RBFOX2: variants seen among roughly 807,000 people sequenced by gnomAD.
The protein encoded by RBFOX2 is RNA binding fox-1 homolog 2, also known as RNA binding protein fox-1 homolog 2.
Under a neutral mutation model 49.1 loss-of-function variants are expected in RBFOX2, and 10 were observed. That is an observed-to-expected ratio of 0.20 (90% CI 0.13 to 0.35). The LOEUF is 0.35. RBFOX2 is among the 10% of genes least tolerant of loss of function. The probability of loss-of-function intolerance (pLI) is 1.00; values close to 1 mark genes in which losing one functional copy is unlikely to be tolerated. For synonymous variants in RBFOX2, 183 were observed against 187.4 expected, an observed-to-expected ratio of 0.98 and a Z score of 0.19; for missense variants, 323 against 486.9, an observed-to-expected ratio of 0.66 and a Z score of 3.17.
exon 2 of RBFOX2, chr22:35,809,973 G>A: frequency 6.2e-7 from 1 of 1,614,128 alleles, no homozygotes. Flanking sequence ...CTGAACCATT[G>A]CGTCAGGAGT....
chr22:35,983,367 T>G (rs966632762), intron 1 of RBFOX2, among the ~76,000 whole-genome samples: 1 of 151,384 alleles, frequency 6.6e-6, no homozygotes, highest in Non-Finnish European at 1.5e-5. Flanking sequence ...CAGAACCTGA[T>G]AGAAAAGTAA....
At chr22:35,919,915 G>GT (rs2050842893) in intron 1 of RBFOX2, among the ~76,000 whole-genome samples, 1 of 152,194 alleles carries the variant, frequency 6.6e-6, no homozygotes, top group Admixed American at 6.5e-5. Flanking sequence ...TGGGCTATTA[G>GT]TTTTGTTTTG....
chr22:35,743,974 T>C (rs942277839), exon 12 of RBFOX2: 31 of 400,956 alleles, frequency 7.7e-5, no homozygotes, highest in African/African-American at 6.5e-4. Context: ...AAGAAAAAAA[T>C]GCACAATCTT....
chr22:35,897,252 C>T, intron 1 of RBFOX2: 1 of 1,463,032 alleles, frequency 6.8e-7, no homozygotes, highest in Non-Finnish European at 9.6e-7. Flanking sequence ...CCAAGAGTTG[C>T]TCGGGAGGCA....
chr22:35,936,072 T>C (rs1340386204), intron 1 of RBFOX2, among the ~76,000 whole-genome samples: 1 of 151,088 alleles, frequency 6.6e-6, no homozygotes, highest in Non-Finnish European at 1.5e-5. Flanking sequence ...ACAGGCCGGG[T>C]GTGGTGGCAC....
chr22:35,803,939 A>G (rs1382296121), intron 2 of RBFOX2, among the ~76,000 whole-genome samples: 1 of 152,262 alleles, frequency 6.6e-6, no homozygotes, highest in East Asian at 1.9e-4. Context: ...TTCAGACTGA[A>G]TTTTTTTAAG....
At chr22:35,792,872 A>C (rs1459273142) in intron 2 of RBFOX2, among the ~76,000 whole-genome samples, 2 of 152,238 alleles carry the variant, frequency 1.3e-5, no homozygotes, top group Non-Finnish European at 2.9e-5. Context: ...TATCTCAAAA[A>C]ACAAGAACTA....
intron 1 of RBFOX2, among the ~76,000 whole-genome samples, chr22:36,006,168 G>A (rs1042988878): frequency 7.2e-5 from 11 of 152,222 alleles, no homozygotes; most frequent in African/African-American, 2.7e-4. Context: ...GCACTTAAAT[G>A]TTGATAAAAA....
chr22:35,936,380 G>T (rs2053075054), intron 1 of RBFOX2, among the ~76,000 whole-genome samples: 1 of 152,028 alleles, frequency 6.6e-6, no homozygotes, highest in Admixed American at 6.5e-5. Flanking sequence ...CGCCAGCTCA[G>T]ACTGTTCAGC....
In RBFOX2 at chr22:35,757,613, T is replaced by C. The variant is rs559516577; in HGVS notation, c.887+2275A>G. Among the ~76,000 whole-genome samples the C allele has an allele frequency of 2.0e-5, 3 of 152,332 alleles. No homozygotes were observed. The East Asian group carries it at 5.8e-4, about 29-fold the overall frequency. ...AATTCTATTTCCAATGACATTTGGTTGTATTTACAGGATAGCATGGTCACA... is the reference window on the plus strand; with the variant it reads ...AATTCTATTTCCAATGACATTTGGTCGTATTTACAGGATAGCATGGTCACA... On this transcript the variant is annotated intron_variant, in intron 9 of 11. Transcript: ENST00000405409.
exon 1 of RBFOX2, chr22:35,840,225 A>C (rs1380149716): frequency 6.2e-7 from 1 of 1,613,928 alleles, no homozygotes; most frequent in East Asian, 2.2e-5. Flanking sequence ...CCATAAACCA[A>C]ACGGATAGAT....
chr22:35,751,553 CTT>C (rs1398211816), intron 9 of RBFOX2, among the ~76,000 whole-genome samples: 2 of 152,126 alleles, frequency 1.3e-5, no homozygotes, highest in Non-Finnish European at 2.9e-5. Flanking sequence ...CTAACTCCCT[CTT>C]TTTCCTCACC....
chr22:35,872,819 G>T (rs555736185), intron 1 of RBFOX2, among the ~76,000 whole-genome samples: 20 of 152,250 alleles, frequency 1.3e-4, no homozygotes, highest in African/African-American at 4.8e-4. Flanking sequence ...GGCCCAGGAT[G>T]GGGGGCATGG....
upstream of RBFOX2, among the ~76,000 whole-genome samples, chr22:35,940,973 A>G (rs1387477057): frequency 1.3e-5 from 2 of 152,156 alleles, no homozygotes; most frequent in African/African-American, 4.8e-5. Context: ...CTGGAGGGAG[A>G]TGACAATGTT....
chr22:35,956,446 C>T (rs2055564910), intron 1 of RBFOX2, among the ~76,000 whole-genome samples: 1 of 152,038 alleles, frequency 6.6e-6, no homozygotes, highest in African/African-American at 2.4e-5. Context: ...ACAGCAACCT[C>T]CACCTCCTGG....
intron 1 of RBFOX2, among the ~76,000 whole-genome samples, chr22:35,944,229 A>T (rs1161646914): frequency 6.6e-6 from 1 of 152,226 alleles, no homozygotes; most frequent in South Asian, 2.1e-4. Context: ...AGATCTTTTT[A>T]AAAGTGTGTG....
intron 3 of RBFOX2, among the ~76,000 whole-genome samples, chr22:35,778,663 G>T (rs1380787741): frequency 6.6e-6 from 1 of 151,862 alleles, no homozygotes; most frequent in Non-Finnish European, 1.5e-5. Flanking sequence ...AAAAGATGGA[G>T]TCTTGAACTG....
chr22:35,746,575 G>A lies in RBFOX2; in HGVS notation c.888-14C>T, dbSNP rs1350333979. 6.6e-7 allele frequency: 1 copy of A among 1,523,640 alleles called. No individual in the cohort carries two copies. The highest frequency in any genetic ancestry group is 8.9e-7 in the Non-Finnish European group (1 of 1,121,394). 94.4% of individuals were successfully genotyped at this position (1,523,640 alleles called of 1,614,324 possible). On this transcript the variant is annotated splice_polypyrimidine_tract_variant and intron_variant, in intron 9 of 11. Coordinates refer to ENST00000405409, the Ensembl canonical transcript of RBFOX2. ...TGCATATCCACCCTACAGGAGAGAA[G>A]AGAACTGACTTTACAGATACCTCTC...
At chr22:35,797,293 T>C (rs1320433692) in intron 2 of RBFOX2, among the ~76,000 whole-genome samples, 1 of 152,172 alleles carries the variant, frequency 6.6e-6, no homozygotes, top group Non-Finnish European at 1.5e-5. Context: ...CTGAATATTA[T>C]GGTTTGTCCA....
Sources: allele counts gnomAD v4.1 joint callset (sites outside exome capture counted in the v4.1 genomes callset), GRCh38; gene constraint gnomAD v4.1.1; transcripts MANE v1.5; gene names NCBI Gene and HGNC (gene_info 2026-07-23, HGNC 2026-07-21).